Variants in WDFY4 observed in about 807,000 individuals in gnomAD.
The protein encoded by WDFY4 is WD repeat- and FYVE domain-containing protein 4.
A neutral mutation model predicts 351.9 loss-of-function variants in WDFY4; 169 were observed. The observed-to-expected ratio is 0.48, with a 90% CI of 0.42 to 0.55. The LOEUF (loss-of-function observed/expected upper bound fraction) is 0.55, where lower values mean the gene tolerates loss of function less well. WDFY4 is among the 20% of genes least tolerant of loss of function. The pLI is 0.00. For missense variants in WDFY4, 3,803 were observed against 3,935.6 expected, an observed-to-expected ratio of 0.97 and a Z score of 0.90; for synonymous variants, 1,622 against 1,574.6, an observed-to-expected ratio of 1.03 and a Z score of -0.71.
chr10:48,925,824 T>C (rs1239118786), intron 47 of WDFY4, among the ~76,000 whole-genome samples: 1 of 152,204 alleles, frequency 6.6e-6, no homozygotes, highest in African/African-American at 2.4e-5. Flanking sequence ...AGCTCCTCTC[T>C]ATCATTCACT....
Position 48,796,295 on chromosome 10 carries a change from C to G in WDFY4, c.4258-3C>G, listed in dbSNP as rs1259182527. 1.3e-6 allele frequency: 2 copies of G among 1,551,022 alleles called. No individual in the cohort carries two copies. The highest frequency in any genetic ancestry group is 1.7e-6 in the Non-Finnish European group (2 of 1,146,550). ...GGAAACTGCTTTGTGTTAACCTTTT[C>G]AGATAATGGCGTTTCTCCTGAGGAA... On this transcript the variant is annotated splice_polypyrimidine_tract_variant and splice_region_variant and intron_variant, in intron 23 of 61. Coordinates refer to ENST00000325239, the MANE Select transcript of WDFY4 (RefSeq NM_001394531.1).
At chr10:48,773,000 T>TAAACATAC (rs1316389342) in intron 13 of WDFY4, among the ~76,000 whole-genome samples, 2 of 151,982 alleles carry the variant, frequency 1.3e-5, no homozygotes, top group African/African-American at 4.8e-5. Flanking sequence ...AATGCCGCAA[T>TAAACATAC]AAACATACGT....
intron 1 of WDFY4, among the ~76,000 whole-genome samples, chr10:48,697,766 G>A (rs899669278): frequency 6.6e-6 from 1 of 152,114 alleles, no homozygotes; most frequent in South Asian, 2.1e-4. Flanking sequence ...TGTTTCCTGG[G>A]CCATTTTCCT....
At chr10:48,718,767 AG>A (rs1233756712) in intron 2 of WDFY4, among the ~76,000 whole-genome samples, 1 of 152,256 alleles carries the variant, frequency 6.6e-6, no homozygotes, top group African/African-American at 2.4e-5. Flanking sequence ...TAGAACAAAG[AG>A]AAAAGGCCAT....
intron 12 of WDFY4, among the ~76,000 whole-genome samples, chr10:48,758,122 C>T (rs1172123520): frequency 6.6e-6 from 1 of 152,114 alleles, no homozygotes; most frequent in Non-Finnish European, 1.5e-5. Flanking sequence ...ATTCTTAGAA[C>T]AAGTCTGATG....
intron 57 of WDFY4, 71 bp from the exon 58 acceptor site, chr10:48,974,791 G>A: frequency 5.6e-6 from 8 of 1,419,648 alleles, no homozygotes; most frequent in Non-Finnish European, 6.5e-6. Flanking sequence ...AGCTTTATAG[G>A]GAGGGTGAAG....
intron 1 of WDFY4, among the ~76,000 whole-genome samples, chr10:48,689,211 CT>C (rs1353352344): frequency 6.6e-6 from 1 of 152,212 alleles, no homozygotes; most frequent in Non-Finnish European, 1.5e-5. Context: ...CATTTGTAAT[CT>C]CCCTCCAAGT....
At chr10:48,692,163 G>A (rs368708102) in intron 1 of WDFY4, among the ~76,000 whole-genome samples, 34 of 152,236 alleles carry the variant, frequency 2.2e-4, no homozygotes, top group African/African-American at 7.0e-4. Context: ...TGTGTAGGGT[G>A]ATTGAATGGC....
intron 2 of WDFY4, among the ~76,000 whole-genome samples, chr10:48,716,622 A>C (rs1589442168): frequency 6.6e-6 from 1 of 152,182 alleles, no homozygotes; most frequent in African/African-American, 2.4e-5. Context: ...AGAAGTGCCC[A>C]TCGAGGTCCC....
intron 51 of WDFY4, among the ~76,000 whole-genome samples, chr10:48,952,414 G>C (rs1328987766): frequency 6.6e-6 from 1 of 152,220 alleles, no homozygotes; most frequent in East Asian, 1.9e-4. Flanking sequence ...GACTTGAGGA[G>C]AATCATTCAG....
intron 47 of WDFY4, among the ~76,000 whole-genome samples, chr10:48,940,674 T>C (rs931041467): frequency 2.0e-5 from 3 of 151,890 alleles, no homozygotes; most frequent in Non-Finnish European, 4.4e-5. Context: ...CTTGGTGTGG[T>C]GGAGCATCTT....
In WDFY4 at chr10:48,804,827, C is replaced by T. The variant is rs191387834; in HGVS notation, c.4485-433C>T. 6.2e-5 allele frequency: 60 copies of T among 964,258 alleles called. 1 individual carries two copies. The East Asian group carries it at 2.4e-3, about 39-fold the overall frequency. 59.7% of individuals were successfully genotyped at this position (964,258 alleles called of 1,614,324 possible). A position where few individuals can be genotyped will look rare whatever the true frequency, so the allele number is the denominator to read the frequency against. ...CTTTTTCTCCTTTGACTTTCAGTGG[C>T]GTGTCTCTCCACTTTGTGGTTTGGG... On this transcript the variant is annotated intron_variant, in intron 25 of 61. Transcript: ENST00000325239.
intron 13 of WDFY4, among the ~76,000 whole-genome samples, chr10:48,761,757 G>A (rs1046832522): frequency 2.0e-5 from 3 of 152,198 alleles, no homozygotes; most frequent in Non-Finnish European, 2.9e-5. Context: ...GAAGGCCTGG[G>A]AAATGCACCA....
At chr10:48,887,415 AG>A (rs1310209342) in intron 43 of WDFY4, among the ~76,000 whole-genome samples, 1 of 152,204 alleles carries the variant, frequency 6.6e-6, no homozygotes, top group Admixed American at 6.5e-5. Flanking sequence ...ACCTTGTGGG[AG>A]GGTAATCTGG....
chr10:48,905,343 G>T (rs1388105879), intron 47 of WDFY4, among the ~76,000 whole-genome samples: 1 of 152,210 alleles, frequency 6.6e-6, no homozygotes, highest in African/African-American at 2.4e-5. Flanking sequence ...TGATTGCCAG[G>T]TTGGAGGAAG....
intron 44 of WDFY4, among the ~76,000 whole-genome samples, chr10:48,894,351 G>A (rs1194132858): frequency 1.3e-5 from 2 of 152,202 alleles, no homozygotes; most frequent in African/African-American, 2.4e-5. Context: ...AAAAGCTAGG[G>A]AGCATTTCTG....
At chr10:48,768,132 G>A (rs1372079181) in intron 13 of WDFY4, among the ~76,000 whole-genome samples, 1 of 152,188 alleles carries the variant, frequency 6.6e-6, no homozygotes, top group Admixed American at 6.5e-5. Context: ...CTGTCATCTG[G>A]AGCATCTGGT....
Position 48,814,075 on chromosome 10 carries a change from T to TG in WDFY4, c.5334dup (p.Ser1779GlufsTer8). On this transcript the variant is annotated frameshift_variant, in exon 31 of 62. Transcript: ENST00000325239. LOFTEE classifies it high-confidence loss of function. The stretch of plus-strand genomic sequence containing the variant: ...CTCCTGGAAATGCTGAAGGCCACCA[T>TG]GAGCCAGGTGAGACCCATTCCCCAC... 6.5e-7 allele frequency: 1 copy of TG among 1,547,856 alleles called. No homozygotes were observed. Among genetic ancestry groups the TG allele is most frequent in the Non-Finnish European group, 8.7e-7 (1 of 1,144,556 alleles).
At chr10:48,955,991 C>T (rs1463562541) in intron 51 of WDFY4, among the ~76,000 whole-genome samples, 1 of 152,188 alleles carries the variant, frequency 6.6e-6, no homozygotes, top group Non-Finnish European at 1.5e-5. Context: ...GAAGGCTATC[C>T]CAAAACTTAC....
Sources: allele counts gnomAD v4.1 joint callset (sites outside exome capture counted in the v4.1 genomes callset), GRCh38; gene constraint gnomAD v4.1.1; transcripts MANE v1.5; gene names NCBI Gene and HGNC (gene_info 2026-07-23, HGNC 2026-07-21).